TP63: variants seen among roughly 807,000 people sequenced by gnomAD.
TP63 encodes tumor protein p63, also known as tumor protein 63.
Under a neutral mutation model 82.8 loss-of-function variants are expected in TP63, and 17 were observed. That is an observed-to-expected ratio of 0.21 (90% CI 0.14 to 0.31). The LOEUF is 0.31. Ranked by LOEUF, TP63 falls within the 10% of genes least tolerant of loss-of-function variation. The pLI, the probability that TP63 is intolerant of heterozygous loss-of-function variation, is 1.00. For missense variants in TP63, 648 were observed against 895.3 expected (o/e 0.72, Z 3.52); for synonymous variants, 330 against 321.7 (o/e 1.03, Z -0.28).
chr3:189,762,114 A>T (rs1055396111), intron 3 of TP63, among the ~76,000 whole-genome samples: 2 of 152,218 alleles, frequency 1.3e-5, no homozygotes, highest in African/African-American at 4.8e-5. Context: ...TTTAAAATAT[A>T]CTAGACTTTC....
chr3:189,819,536 C>T (rs1386424435), intron 4 of TP63, among the ~76,000 whole-genome samples: 2 of 151,852 alleles, frequency 1.3e-5, no homozygotes, highest in Non-Finnish European at 2.9e-5. Flanking sequence ...TGAGTGAGAA[C>T]ATGCGGTGTT....
At chr3:189,597,624 C>A in the TP63 span, among the ~76,000 whole-genome samples, 1 of 152,100 alleles carries the variant, frequency 6.6e-6, no homozygotes, top group Non-Finnish European at 1.5e-5. Context: ...TTATGAGAAA[C>A]TTAAAAATAG....
intron 10 of TP63, 150 bp downstream of exon 10, chr3:189,873,145 A>T: frequency 2.6e-6 from 3 of 1,149,004 alleles, no homozygotes; most frequent in Non-Finnish European, 3.9e-6. Flanking sequence ...ACCCTCTTTC[A>T]GTTGCAACCT....
At chr3:189,651,304 G>C (rs1216219412) in intron 1 of TP63, among the ~76,000 whole-genome samples, 1 of 146,866 alleles carries the variant, frequency 6.8e-6, no homozygotes, top group Non-Finnish European at 1.5e-5. Flanking sequence ...CCAGCACTTT[G>C]GGAGGCCAAG....
At chr3:189,618,216 C>T in the TP63 span, among the ~76,000 whole-genome samples, 1 of 152,196 alleles carries the variant, frequency 6.6e-6, no homozygotes, top group Non-Finnish European at 1.5e-5. Flanking sequence ...AATTGCCACA[C>T]TATATATACT....
chr3:189,733,688 A>G (rs1344205227), intron 1 of TP63, among the ~76,000 whole-genome samples: 1 of 152,152 alleles, frequency 6.6e-6, no homozygotes, highest in East Asian at 1.9e-4. Context: ...TTTCAGTTTT[A>G]TCTGAAGACA....
intron 3 of TP63, among the ~76,000 whole-genome samples, chr3:189,784,305 A>C (rs12638691): frequency 0.12 from 18,912 of 152,114 alleles, 1,282 homozygotes; most frequent in East Asian, 0.33. Flanking sequence ...GCTATATGGT[A>C]AATGAACTGT....
intron 4 of TP63, among the ~76,000 whole-genome samples, chr3:189,816,310 G>A (rs34848400): frequency 0.34 from 51,483 of 151,948 alleles, 8,983 homozygotes; most frequent in East Asian, 0.52. Flanking sequence ...ACTTAAAATC[G>A]GCCCTGAGTG....
intron 1 of TP63, among the ~76,000 whole-genome samples, chr3:189,656,329 T>TA (rs567145197): frequency 5.6e-4 from 85 of 152,242 alleles, no homozygotes; most frequent in African/African-American, 1.9e-3. Context: ...ATTTCAACTC[T>TA]AAATCACTAA....
At chr3:189,679,764 G>C (rs932122672) in intron 1 of TP63, among the ~76,000 whole-genome samples, 2 of 152,038 alleles carry the variant, frequency 1.3e-5, no homozygotes, top group East Asian at 1.9e-4. Flanking sequence ...TACAGCTCCA[G>C]GTTTTATGTA....
intron 4 of TP63, among the ~76,000 whole-genome samples, chr3:189,814,538 T>A (rs1727951555): frequency 6.6e-6 from 1 of 152,248 alleles, no homozygotes; most frequent in Non-Finnish European, 1.5e-5. Flanking sequence ...GGTGCCTTTT[T>A]GTGCCACTCC....
chr3:189,883,876 A>T lies in TP63; in HGVS notation c.1350-2518A>T, dbSNP rs2108848793. 1.3e-5 allele frequency among the ~76,000 whole-genome samples: 2 copies of T among 152,226 alleles called. 1 individual carries two copies. Among genetic ancestry groups the T allele is most frequent in the Non-Finnish European group, 2.9e-5 (2 of 68,010 alleles). On this transcript the variant is annotated intron_variant, in intron 10 of 13. Coordinates refer to ENST00000264731, the MANE Select transcript of TP63 (RefSeq NM_003722.5). ...AAAATAGTCAAAAATAATAACCATA[A>T]GCTAAAGAAAGCAGGAGGTTGTAAC...
At chr3:189,724,762 G>A (rs1371527393) in intron 1 of TP63, among the ~76,000 whole-genome samples, 1 of 152,198 alleles carries the variant, frequency 6.6e-6, no homozygotes, top group African/African-American at 2.4e-5. Context: ...GTATTCACAA[G>A]CATTATGGTT....
chr3:189,651,557 A>T (rs1712890333), intron 1 of TP63, among the ~76,000 whole-genome samples: 1 of 145,826 alleles, frequency 6.9e-6, no homozygotes, highest in African/African-American at 2.6e-5. Context: ...AAAAAAAAAA[A>T]AAAAGTAAAG....
intron 1 of TP63, among the ~76,000 whole-genome samples, chr3:189,666,922 G>T (rs1193628038): frequency 1.3e-5 from 2 of 149,850 alleles, no homozygotes; most frequent in Admixed American, 1.3e-4. Flanking sequence ...GACAGTAGAG[G>T]AACTTATACT....
Position 189,761,880 on chromosome 3 carries a change from C to T in TP63, c.324+23106C>T, listed in dbSNP as rs544491041. Among the ~76,000 whole-genome samples the T allele has an allele frequency of 5.0e-3, 763 of 152,306 alleles. 8 individuals carry two copies. The highest frequency in any genetic ancestry group is 0.018 in the African/African-American group (739 of 41,568). On this transcript the variant is annotated intron_variant, in intron 3 of 13. Transcript: ENST00000264731. ...CACATCTTATGTGGATGGCAGCAGG[C>T]AGAGAGAGCTTGTGCAGAGAAACCC...
At chr3:189,771,471 AAT>A (rs1376187950) in intron 3 of TP63, among the ~76,000 whole-genome samples, 2 of 142,796 alleles carry the variant, frequency 1.4e-5, no homozygotes, top group African/African-American at 5.1e-5. Context: ...TATAATATTT[AAT>A]ATATAATTAA....
At chr3:189,766,886 A>C (rs1011620409) in intron 3 of TP63, among the ~76,000 whole-genome samples, 1 of 152,280 alleles carries the variant, frequency 6.6e-6, no homozygotes, top group Middle Eastern at 3.4e-3. Context: ...TGTTCTTTGG[A>C]GTGACAGGGA....
intron 1 of TP63, among the ~76,000 whole-genome samples, chr3:189,698,153 T>G (rs1451355154): frequency 6.6e-6 from 1 of 152,096 alleles, no homozygotes; most frequent in Non-Finnish European, 1.5e-5. Context: ...CCATTACACA[T>G]CAGGTTTAGG....
Sources: gnomAD v4.1 joint callset for allele counts (sites outside exome capture counted in the v4.1 genomes callset) on GRCh38, gnomAD v4.1.1 for gene constraint, MANE v1.5 for transcripts, NCBI Gene and HGNC (gene_info 2026-07-23, HGNC 2026-07-21) for gene names.